Variants in FUT9 observed in about 807,000 individuals in gnomAD.
The protein encoded by FUT9 is 4-galactosyl-N-acetylglucosaminide 3-alpha-L-fucosyltransferase 9.
In FUT9, 15 loss-of-function variants were observed where a neutral mutation model predicts 29.7. The ratio of observed to expected loss-of-function variants is 0.51; its 90% CI spans 0.34 to 0.78. The LOEUF (loss-of-function observed/expected upper bound fraction) is 0.78, where lower values mean the gene tolerates loss of function less well. Among genes scored for constraint, FUT9 ranks in the 30% least tolerant of loss-of-function variants. FUT9 has a pLI of 0.01. For synonymous variants in FUT9, 169 were observed against 153.7 expected (o/e 1.10, Z -0.74); for missense variants, 319 against 425.4 (o/e 0.75, Z 2.20).
At chr6:96,125,469 G>A (rs1016601530) in intron 2 of FUT9, among the ~76,000 whole-genome samples, 1 of 152,172 alleles carries the variant, frequency 6.6e-6, no homozygotes, top group Non-Finnish European at 1.5e-5. Context: ...ATAACTGTTA[G>A]CATTTTAAAA....
intron 2 of FUT9, among the ~76,000 whole-genome samples, chr6:96,164,414 G>A (rs530060461): frequency 4.0e-5 from 6 of 151,876 alleles, no homozygotes; most frequent in East Asian, 3.9e-4. Context: ...GCCTGCCACC[G>A]CTCCCGGCTA....
chr6:96,087,437 G>A (rs1025912217), intron 1 of FUT9, among the ~76,000 whole-genome samples: 3 of 143,160 alleles, frequency 2.1e-5, no homozygotes. Context: ...CATGATCTCA[G>A]CTCACTGCAA....
chr6:96,031,567 C>T (rs9498731), intron 1 of FUT9, among the ~76,000 whole-genome samples: 62,229 of 151,058 alleles, frequency 0.41, 13,010 homozygotes, highest in Non-Finnish European at 0.46. Flanking sequence ...TATCTGCCCA[C>T]AACTGGACAG....
intron 2 of FUT9, among the ~76,000 whole-genome samples, chr6:96,143,903 A>G (rs1196617803): frequency 6.9e-6 from 1 of 143,908 alleles, no homozygotes; most frequent in Non-Finnish European, 1.6e-5. Flanking sequence ...CACACCACCC[A>G]ACTGCTTTTA....
At chr6:96,090,252 C>T (rs969428441) in intron 1 of FUT9, among the ~76,000 whole-genome samples, 1 of 151,764 alleles carries the variant, frequency 6.6e-6, no homozygotes, top group Non-Finnish European at 1.5e-5. Context: ...TTTCTGAACA[C>T]AGTCAATAAA....
intron 1 of FUT9, among the ~76,000 whole-genome samples, chr6:96,056,087 G>T (rs1311281513): frequency 2.0e-5 from 3 of 152,066 alleles, no homozygotes; most frequent in Admixed American, 6.6e-5. Context: ...TAGATATGTT[G>T]AGTTTCTGCT....
At chr6:96,193,377 C>A (rs1773555640) in intron 2 of FUT9, among the ~76,000 whole-genome samples, 1 of 124,042 alleles carries the variant, frequency 8.1e-6, no homozygotes, top group South Asian at 3.2e-4. Flanking sequence ...ACAACCCCAT[C>A]AGAAAGTGGG....
At chr6:96,136,011 TG>T (rs1236402747) in intron 2 of FUT9, among the ~76,000 whole-genome samples, 1 of 151,072 alleles carries the variant, frequency 6.6e-6, no homozygotes, top group Non-Finnish European at 1.5e-5. Context: ...ATGACTTTTC[TG>T]AGATGAAGGT....
chr6:96,081,667 G>C (rs750243928), intron 1 of FUT9, among the ~76,000 whole-genome samples: 1 of 151,760 alleles, frequency 6.6e-6, no homozygotes, highest in Non-Finnish European at 1.5e-5. Flanking sequence ...AAGTATGTGC[G>C]AGAGGTTCTA....
At chr6:96,092,249 T>C (rs1771423651) in intron 1 of FUT9, among the ~76,000 whole-genome samples, 1 of 152,132 alleles carries the variant, frequency 6.6e-6, no homozygotes, top group Non-Finnish European at 1.5e-5. Context: ...TGTATAAATC[T>C]TTATGGGAAT....
Position 96,213,186 on chromosome 6 carries a change from A to T in FUT9, c.*8951A>T, listed in dbSNP as rs4458699. ...TGTGTAATTGCTTCAGGAGCTCTGA[A>T]TAAAAGGTTGCTGAAGCAAAATACT... On this transcript the variant is annotated 3_prime_UTR_variant, in exon 3 of 3. Coordinates refer to ENST00000302103, the MANE Select transcript of FUT9 (RefSeq NM_006581.4). 0.92 allele frequency: 153,659 copies of T among 166,908 alleles called. 72,129 individuals are homozygous for T. Among genetic ancestry groups the T allele is most frequent in the Non-Finnish European group, 1 (67,881 of 68,010 alleles). 10.3% of individuals were successfully genotyped at this position (166,908 alleles called of 1,614,324 possible). A position where few individuals can be genotyped will look rare whatever the true frequency, so the allele number is the denominator to read the frequency against.
intron 1 of FUT9, among the ~76,000 whole-genome samples, chr6:96,058,423 G>C (rs1770813272): frequency 8.3e-6 from 1 of 120,540 alleles, no homozygotes; most frequent in Non-Finnish European, 1.6e-5. Flanking sequence ...AGTGGATTAA[G>C]AGAGTAAGAG....
intron 1 of FUT9, among the ~76,000 whole-genome samples, chr6:96,090,768 CCAACAGACACACT>C (rs1190983618): frequency 6.6e-6 from 1 of 151,610 alleles, no homozygotes; most frequent in African/African-American, 2.4e-5. Flanking sequence ...CATACACACC[CCAACAGACACACT>C]CATTGGTCAT....
intron 1 of FUT9, among the ~76,000 whole-genome samples, chr6:96,028,941 C>T (rs1018873474): frequency 2.0e-5 from 3 of 151,500 alleles, no homozygotes; most frequent in Non-Finnish European, 3.0e-5. Context: ...AGGAGTTCTT[C>T]TTTTAACCAG....
chr6:96,075,468 A>G (rs892173189), intron 1 of FUT9, among the ~76,000 whole-genome samples: 8 of 152,180 alleles, frequency 5.3e-5, no homozygotes, highest in Non-Finnish European at 1.0e-4. Flanking sequence ...CACTTTCCTG[A>G]CAAATATATA....
chr6:96,175,032 C>T (rs1292745843), intron 2 of FUT9, among the ~76,000 whole-genome samples: 3 of 151,882 alleles, frequency 2.0e-5, no homozygotes, highest in African/African-American at 7.3e-5. Context: ...AATAGTGTTG[C>T]TATTCCGATC....
At chr6:96,084,301 A>G in intron 1 of FUT9, among the ~76,000 whole-genome samples, 1 of 152,132 alleles carries the variant, frequency 6.6e-6, no homozygotes, top group East Asian at 1.9e-4. Flanking sequence ...TCCTGGAAAG[A>G]CCATCTGGCA....
At chr6:96,021,687 G>A (rs967014581) in intron 1 of FUT9, among the ~76,000 whole-genome samples, 2 of 151,970 alleles carry the variant, frequency 1.3e-5, no homozygotes, top group African/African-American at 4.8e-5. Context: ...CATATAGTTG[G>A]GATGATAAAA....
At chr6:96,152,185 T>C (rs898662948) in intron 2 of FUT9, among the ~76,000 whole-genome samples, 6 of 152,252 alleles carry the variant, frequency 3.9e-5, no homozygotes, top group Non-Finnish European at 7.3e-5. Flanking sequence ...GCTTATCTAA[T>C]GGGTCATATC....
Sources: allele counts gnomAD v4.1 joint callset (sites outside exome capture counted in the v4.1 genomes callset), GRCh38; gene constraint gnomAD v4.1.1; transcripts MANE v1.5; gene names NCBI Gene and HGNC (gene_info 2026-07-23, HGNC 2026-07-21).